Variants in TRPS1 observed in about 807,000 individuals in gnomAD.
TRPS1 encodes the protein zinc finger transcription factor Trps1.
In TRPS1, 6 loss-of-function variants were observed where a neutral mutation model predicts 101.2. That is an observed-to-expected ratio of 0.06 (90% CI 0.03 to 0.12). The LOEUF (loss-of-function observed/expected upper bound fraction) is 0.12. Ranked by LOEUF, TRPS1 falls within the 10% of genes least tolerant of loss-of-function variation. The pLI, the probability that TRPS1 is intolerant of heterozygous loss-of-function variation, is 1.00. For synonymous variants in TRPS1, 578 were observed against 589.8 expected (o/e 0.98, Z 0.29); for missense variants, 1,363 against 1,567.0 (o/e 0.87, Z 2.20).
At chr8:115,591,579 G>A (rs573591318) in intron 4 of TRPS1, among the ~76,000 whole-genome samples, 5 of 152,250 alleles carry the variant, frequency 3.3e-5, no homozygotes, top group African/African-American at 1.2e-4. Context: ...CTCCTGGCAT[G>A]TCTCAGCAGG....
At chr8:115,443,028 G>A (rs1360672917) in intron 5 of TRPS1, among the ~76,000 whole-genome samples, 3 of 151,762 alleles carry the variant, frequency 2.0e-5, no homozygotes, top group South Asian at 2.1e-4. Context: ...CTTGGGAGGC[G>A]GAGCTTGCAG....
rs545334740 is a variant in TRPS1, at chr8:115,420,846, G to A, written c.2701-2394C>T. The stretch of plus-strand genomic sequence containing the variant: ...ACTTATTCAGAGTCAGTAGAGCTTG[G>A]AGGTTAATAATCAGATTTAGGTGCC... On this transcript the variant is annotated intron_variant, in intron 5 of 6. Coordinates refer to ENST00000395715, the MANE Select transcript of TRPS1 (RefSeq NM_014112.5). 5.3e-5 allele frequency among the ~76,000 whole-genome samples: 8 copies of A among 152,246 alleles called. No individual in the cohort carries two copies. The South Asian group carries it at 8.3e-4, about 16-fold the overall frequency.
intron 5 of TRPS1, among the ~76,000 whole-genome samples, chr8:115,582,851 G>C (rs1817482659): frequency 6.6e-6 from 1 of 152,136 alleles, no homozygotes; most frequent in Non-Finnish European, 1.5e-5. Context: ...CTAGCTGCAA[G>C]AAAAAAGTGC....
chr8:115,630,901 T>G (rs774753503), intron 1 of TRPS1, among the ~76,000 whole-genome samples: 10 of 151,964 alleles, frequency 6.6e-5, no homozygotes, highest in Non-Finnish European at 1.3e-4. Context: ...ATGCAAAAAG[T>G]GATAACATTT....
chr8:115,471,915 T>A (rs777217807), intron 5 of TRPS1, among the ~76,000 whole-genome samples: 3 of 152,236 alleles, frequency 2.0e-5, no homozygotes, highest in Non-Finnish European at 4.4e-5. Context: ...CCCATGGCCT[T>A]GGGCAGCTCC....
chr8:115,587,679 C>A (rs1462795588), intron 4 of TRPS1, 75 bp from the exon 5 acceptor site: 2 of 1,606,164 alleles, frequency 1.2e-6, no homozygotes, highest in Non-Finnish European at 1.7e-6. Flanking sequence ...CCTTTAAGCA[C>A]CTGAATTTTC....
In TRPS1 at chr8:115,456,714, A is replaced by G. The variant is rs768895035; in HGVS notation, c.2701-38262T>C. On this transcript the variant is annotated intron_variant, in intron 5 of 6. Coordinates refer to ENST00000395715, the MANE Select transcript of TRPS1 (RefSeq NM_014112.5). The stretch of plus-strand genomic sequence containing the variant: ...ACATAAAGAAATACTAAGAAAATAT[A>G]TGGCTTTTCTATTTTACTCCCCCCC... Among the ~76,000 whole-genome samples, 11 of 152,046 alleles carry G rather than the reference A, an allele frequency of 7.2e-5. No individual in the cohort carries two copies. The East Asian group carries it at 1.2e-3, about 16-fold the overall frequency.
At chr8:115,507,959 C>A (rs1238316073) in intron 5 of TRPS1, among the ~76,000 whole-genome samples, 2 of 151,906 alleles carry the variant, frequency 1.3e-5, no homozygotes, top group African/African-American at 4.8e-5. Context: ...AAGTTCTTAT[C>A]AAGATAATTT....
intron 5 of TRPS1, among the ~76,000 whole-genome samples, chr8:115,426,038 A>G (rs1158592694): frequency 6.6e-6 from 1 of 152,162 alleles, no homozygotes; most frequent in Non-Finnish European, 1.5e-5. Flanking sequence ...CGTGAAAGTC[A>G]TTATTGTTAA....
intron 3 of TRPS1, among the ~76,000 whole-genome samples, chr8:115,605,493 A>C (rs1003095728): frequency 6.6e-6 from 1 of 152,176 alleles, no homozygotes; most frequent in Non-Finnish European, 1.5e-5. Flanking sequence ...ATGAGGCTGC[A>C]GGCAAAGATG....
chr8:115,524,501 A>G (rs1397669038), intron 5 of TRPS1, among the ~76,000 whole-genome samples: 1 of 151,548 alleles, frequency 6.6e-6, no homozygotes, highest in African/African-American at 2.4e-5. Context: ...TTGTATTTTT[A>G]GTAGAGACAG....
chr8:115,474,425 A>G (rs1323538098), intron 5 of TRPS1, among the ~76,000 whole-genome samples: 1 of 152,050 alleles, frequency 6.6e-6, no homozygotes, highest in African/African-American at 2.4e-5. Context: ...TAAATGGAAA[A>G]CTTTCTAGAG....
intron 4 of TRPS1, among the ~76,000 whole-genome samples, chr8:115,596,572 A>G (rs1817788897): frequency 6.6e-6 from 1 of 151,786 alleles, no homozygotes; most frequent in Admixed American, 6.6e-5. Context: ...TTCTATATGG[A>G]TAGATATAGA....
rs537687828 is a variant in TRPS1, at chr8:115,513,245, C to A, written c.2700+73756G>T. Among the ~76,000 whole-genome samples, 146 of 151,746 alleles carry A rather than the reference C, an allele frequency of 9.6e-4. 1 individual carries two copies. Among genetic ancestry groups the A allele is most frequent in the African/African-American group, 3.5e-3 (144 of 41,476 alleles). ...TGTAATAAACATGAAATACCAATGT[C>A]AACAAAATCCCAAACTGCAGCAGAA... is the stretch of plus-strand genomic sequence containing the variant. On this transcript the variant is annotated intron_variant, in intron 5 of 6. Transcript: ENST00000395715.
chr8:115,494,200 C>T (rs973887449), intron 5 of TRPS1, among the ~76,000 whole-genome samples: 2 of 152,214 alleles, frequency 1.3e-5, no homozygotes, highest in Non-Finnish European at 2.9e-5. Flanking sequence ...CTTTCTGAGC[C>T]AATAGCCTTG....
At chr8:115,467,197 T>C (rs970403373) in intron 5 of TRPS1, among the ~76,000 whole-genome samples, 1 of 151,810 alleles carries the variant, frequency 6.6e-6, no homozygotes, top group Non-Finnish European at 1.5e-5. Context: ...AAAAAAAAAA[T>C]GCATTCCAAT....
intron 5 of TRPS1, among the ~76,000 whole-genome samples, chr8:115,422,947 A>G (rs768927120): frequency 3.3e-5 from 5 of 152,144 alleles, no homozygotes; most frequent in Non-Finnish European, 7.3e-5. Context: ...GATAACACCA[A>G]TTGGCATTCC....
At chr8:115,663,658 A>T (rs1694306291) in intron 1 of TRPS1, among the ~76,000 whole-genome samples, 3 of 146,966 alleles carry the variant, frequency 2.0e-5, no homozygotes, top group Admixed American at 2.0e-4. Flanking sequence ...GATGCTCCAA[A>T]TTTGAAGTAC....
intron 5 of TRPS1, among the ~76,000 whole-genome samples, chr8:115,503,250 ACT>A (rs1247483303): frequency 5.3e-5 from 3 of 57,086 alleles, no homozygotes; most frequent in Admixed American, 2.4e-4. Context: ...ACAGAGCAAG[ACT>A]CTGTCTCAAA....
Sources: gnomAD v4.1 joint callset for allele counts (sites outside exome capture counted in the v4.1 genomes callset) on GRCh38, gnomAD v4.1.1 for gene constraint, MANE v1.5 for transcripts, NCBI Gene and HGNC (gene_info 2026-07-23, HGNC 2026-07-21) for gene names.